The following KCNQ3 variants were observed in gnomAD, a reference collection of about 807,000 sequenced individuals.
KCNQ3 encodes the protein potassium voltage-gated channel subfamily KQT member 3.
A neutral mutation model predicts 92.5 loss-of-function variants in KCNQ3; 30 were observed. The observed-to-expected ratio is 0.32, with a 90% CI of 0.24 to 0.44. KCNQ3 has a LOEUF of 0.44. KCNQ3 is among the 20% of genes least tolerant of loss of function. The pLI is 1.00. For synonymous variants in KCNQ3, 450 were observed against 468.8 expected (o/e 0.96, Z 0.52); for missense variants, 913 against 1,140.3 (o/e 0.80, Z 2.87).
chr8:132,239,579 C>T (rs981116082), intron 1 of KCNQ3, among the ~76,000 whole-genome samples: 5 of 152,182 alleles, frequency 3.3e-5, no homozygotes, highest in Non-Finnish European at 7.3e-5. Context: ...GACTGCAAAA[C>T]CTGGAAGATC....
rs768174518 is a variant in KCNQ3 at position 132,126,274 on chromosome 8, T to C, written c.*2988A>G. 1.3e-5 allele frequency: 2 copies of C among 152,168 alleles called. No individual in the cohort carries two copies. Among genetic ancestry groups the C allele is most frequent in the Non-Finnish European group, 2.9e-5 (2 of 68,034 alleles). The allele number at this position is 152,168 out of a possible 1,614,324, so 9.4% of individuals were successfully genotyped here. ...TCTTGGGTCATGTTAACCAGTTCCATTGGATTATCATGCTGTTCCCTTGTC... is the reference window on the plus strand; with the variant it reads ...TCTTGGGTCATGTTAACCAGTTCCACTGGATTATCATGCTGTTCCCTTGTC... On this transcript the variant is annotated 3_prime_UTR_variant, in exon 15 of 15. Transcript: ENST00000388996.
chr8:132,156,539 T>A (rs1212408782), intron 9 of KCNQ3, among the ~76,000 whole-genome samples: 1 of 152,134 alleles, frequency 6.6e-6, no homozygotes, highest in Non-Finnish European at 1.5e-5. Flanking sequence ...AGCCCCTGTG[T>A]GAGTTGTTTC....
intron 1 of KCNQ3, among the ~76,000 whole-genome samples, chr8:132,373,809 C>T (rs1172476696): frequency 6.6e-6 from 1 of 152,168 alleles, no homozygotes; most frequent in African/African-American, 2.4e-5. Context: ...GATGAGTCCT[C>T]CCTGCCCAGC....
At chr8:132,213,564 C>T (rs1813932106) in intron 1 of KCNQ3, among the ~76,000 whole-genome samples, 1 of 152,224 alleles carries the variant, frequency 6.6e-6, no homozygotes, top group Non-Finnish European at 1.5e-5. Context: ...CCCTCAGCTA[C>T]TGCAGAGTGC....
Position 132,304,384 on chromosome 8 carries a change from G to T in KCNQ3, c.387-118203C>A, listed in dbSNP as rs1272857606. Among the ~76,000 whole-genome samples the T allele has an allele frequency of 3.3e-5, 5 of 152,312 alleles. 1 individual carries two copies. The South Asian group carries it at 1.0e-3, about 32-fold the overall frequency. On this transcript the variant is annotated intron_variant, in intron 1 of 14. Transcript: ENST00000388996. ...CACGTTTGGGGCCAGTGAGAACTGG[G>T]TCCTTGTTCTGGCTCCACCAATAAT...
At chr8:132,235,067 C>T (rs1257738028) in intron 1 of KCNQ3, among the ~76,000 whole-genome samples, 3 of 152,206 alleles carry the variant, frequency 2.0e-5, no homozygotes, top group Non-Finnish European at 4.4e-5. Flanking sequence ...GCAGCCAACA[C>T]AATAACAAAT....
chr8:132,234,704 T>G (rs551885272), intron 1 of KCNQ3, among the ~76,000 whole-genome samples: 2 of 152,282 alleles, frequency 1.3e-5, no homozygotes, highest in South Asian at 4.1e-4. Context: ...ACCAATTAAG[T>G]GATTTGACTC....
At chr8:132,308,425 A>C (rs1280797274) in intron 1 of KCNQ3, among the ~76,000 whole-genome samples, 2 of 152,152 alleles carry the variant, frequency 1.3e-5, no homozygotes, top group Non-Finnish European at 2.9e-5. Context: ...CTCAGCCTGG[A>C]GGGGAAAGGC....
chr8:132,395,020 A>G (rs531600887), intron 1 of KCNQ3, among the ~76,000 whole-genome samples: 21 of 152,330 alleles, frequency 1.4e-4, no homozygotes, highest in South Asian at 1.2e-3. Context: ...CGCAAGCCTC[A>G]TGCATTTAGA....
intron 1 of KCNQ3, among the ~76,000 whole-genome samples, chr8:132,259,149 T>C (rs1163795005): frequency 1.3e-5 from 2 of 151,400 alleles, no homozygotes; most frequent in East Asian, 3.9e-4. Context: ...TCCCAACTCA[T>C]TTTATGAGGC....
At chr8:132,241,167 G>A (rs2130406218) in intron 1 of KCNQ3, among the ~76,000 whole-genome samples, 1 of 152,232 alleles carries the variant, frequency 6.6e-6, no homozygotes, top group African/African-American at 2.4e-5. Flanking sequence ...GAGATTACAG[G>A]TGTGAGCCAC....
chr8:132,340,636 G>C (rs1040623404), intron 1 of KCNQ3, among the ~76,000 whole-genome samples: 31 of 152,060 alleles, frequency 2.0e-4, no homozygotes, highest in African/African-American at 7.2e-4. Context: ...TGGAGGCAAG[G>C]GGAGGATGCG....
At chr8:132,254,216 T>G (rs1305534738) in intron 1 of KCNQ3, among the ~76,000 whole-genome samples, 1 of 152,206 alleles carries the variant, frequency 6.6e-6, no homozygotes, top group Non-Finnish European at 1.5e-5. Context: ...TAGGAGGATG[T>G]GTGAAACGAG....
At position 132,480,356 on chromosome 8, in the gene KCNQ3, G is replaced by T. The variant is rs780427236; in HGVS notation, c.177C>A (p.Ala59=). The change falls in exon 1 of 15, where the codon GCC becomes GCA. Residue 59 remains alanine (A), a synonymous_variant. Transcript: ENST00000388996. ...GCAGGGTCCCGTCTTTGTCGGCTCC[G>T]GCCCCGAGCGCCAAGGTGACTTGCT... ...DVEQVTLALG[A]GADKDGTLLL... 1 of 1,590,644 alleles carries T rather than the reference G, an allele frequency of 6.3e-7. No homozygotes were observed. The highest frequency in any genetic ancestry group is 1.1e-5 in the South Asian group (1 of 88,970).
intron 1 of KCNQ3, among the ~76,000 whole-genome samples, chr8:132,444,134 C>T (rs957298052): frequency 1.3e-5 from 2 of 152,122 alleles, no homozygotes; most frequent in Non-Finnish European, 2.9e-5. Context: ...AGAAAGGATG[C>T]TACCACTCCA....
chr8:132,134,200 C>T, intron 13 of KCNQ3, 90 bp downstream of exon 13: 1 of 930,660 alleles, frequency 1.1e-6, no homozygotes, highest in African/African-American at 1.6e-5. Context: ...CAACTTCACC[C>T]ACATAAAGGA....
intron 1 of KCNQ3, among the ~76,000 whole-genome samples, chr8:132,310,934 G>A (rs562622146): frequency 6.6e-5 from 10 of 151,452 alleles, no homozygotes; most frequent in South Asian, 4.2e-4. Flanking sequence ...GTCACCTTAC[G>A]ACTTTTTTTT....
chr8:132,436,264 T>C (rs1350370160), intron 1 of KCNQ3, among the ~76,000 whole-genome samples: 10 of 152,350 alleles, frequency 6.6e-5, no homozygotes, highest in East Asian at 1.9e-4. Context: ...CATTACCACA[T>C]TGAAACACTA....
chr8:132,404,865 C>A (rs578222267), intron 1 of KCNQ3, among the ~76,000 whole-genome samples: 1 of 152,132 alleles, frequency 6.6e-6, no homozygotes, highest in Non-Finnish European at 1.5e-5. Context: ...TCGCAATAAC[C>A]CCATTGTCCT....
Sources: gnomAD v4.1 joint callset for allele counts (sites outside exome capture counted in the v4.1 genomes callset) on GRCh38, gnomAD v4.1.1 for gene constraint, MANE v1.5 for transcripts, NCBI Gene and HGNC (gene_info 2026-07-23, HGNC 2026-07-21) for gene names.